SLC37A2: variants seen among roughly 807,000 people sequenced by gnomAD.
SLC37A2 encodes the protein solute carrier family 37 member 2, also known as glucose-6-phosphate exchanger SLC37A2.
SLC37A2 carries 59 observed loss-of-function variants against 70.7 expected under a neutral mutation model. The observed-to-expected ratio is 0.83, with a 90% CI of 0.68 to 1.04. The LOEUF (loss-of-function observed/expected upper bound fraction) is 1.04, where lower values mean the gene tolerates loss of function less well. SLC37A2 is among the 50% of genes least tolerant of loss of function. The pLI is 0.00. For synonymous variants in SLC37A2, 257 were observed against 262.1 expected (o/e 0.98, Z 0.19); for missense variants, 580 against 658.1 (o/e 0.88, Z 1.30).
At chr11:125,077,583 C>T (rs764729254) in intron 4 of SLC37A2, 55 bp downstream of exon 4, 5 of 1,444,426 alleles carry the variant, frequency 3.5e-6, no homozygotes, top group Non-Finnish European at 4.8e-6. Flanking sequence ...GAGCTGCTAC[C>T]TCCCCTTAAG....
intron 1 of SLC37A2, among the ~76,000 whole-genome samples, chr11:125,073,078 G>T (rs1321666711): frequency 6.6e-6 from 1 of 152,170 alleles, no homozygotes; most frequent in African/African-American, 2.4e-5. Context: ...TGGATTTCAG[G>T]GAGTTGGGGT....
intron 1 of SLC37A2, among the ~76,000 whole-genome samples, chr11:125,072,440 G>A (rs984409437): frequency 2.6e-5 from 4 of 152,126 alleles, no homozygotes; most frequent in African/African-American, 4.8e-5. Context: ...TGGGACAGCC[G>A]CCCCATCTGG....
chr11:125,078,896 A>G (rs1949117957), intron 4 of SLC37A2, among the ~76,000 whole-genome samples: 1 of 151,834 alleles, frequency 6.6e-6, no homozygotes, highest in South Asian at 2.1e-4. Context: ...GGGGCCGGCC[A>G]AGCGGAGGAA....
At chr11:125,085,004 C>T in intron 13 of SLC37A2, 62 bp from the exon 14 acceptor site, 1 of 1,596,550 alleles carries the variant, frequency 6.3e-7, no homozygotes, top group East Asian at 2.2e-5. Flanking sequence ...AGTGCTCCTG[C>T]CTTGGGGTTG....
intron 13 of SLC37A2, 85 bp from the exon 14 acceptor site, chr11:125,084,981 C>A: frequency 6.3e-7 from 1 of 1,592,322 alleles, no homozygotes; most frequent in Non-Finnish European, 8.6e-7. Context: ...GCTGGGAGGG[C>A]TGAAGGCTGG....
At chr11:125,079,320 C>A in intron 5 of SLC37A2, 73 bp downstream of exon 5, 1 of 1,588,338 alleles carries the variant, frequency 6.3e-7, no homozygotes, top group Non-Finnish European at 8.6e-7. Context: ...CAGCTCACAG[C>A]GGGTGGGAGC....
intron 8 of SLC37A2, 139 bp downstream of exon 8, chr11:125,081,597 G>T: frequency 2.2e-6 from 3 of 1,377,440 alleles, no homozygotes; most frequent in Non-Finnish European, 2.9e-6. Context: ...CCATGGGTTG[G>T]CCCTACAGCC....
At chr11:125,072,367 C>T (rs991703949) in intron 1 of SLC37A2, among the ~76,000 whole-genome samples, 4 of 152,104 alleles carry the variant, frequency 2.6e-5, no homozygotes, top group Non-Finnish European at 4.4e-5. Flanking sequence ...AACCAGTATC[C>T]GGTGGGGGGG....
chr11:125,080,764 C>T lies in SLC37A2; in HGVS notation c.678C>T (p.Phe226=), dbSNP rs1481154893. 3 of 1,496,606 alleles carry T rather than the reference C, an allele frequency of 2.0e-6. No individual in the cohort carries two copies. Among genetic ancestry groups the T allele is most frequent in the East Asian group, 2.6e-5 (1 of 38,786 alleles). The allele number at this position is 1,496,606 out of a possible 1,614,324, so 92.7% of individuals were successfully genotyped here. The change falls in exon 7 of 18, where the codon TTC becomes TTT. Residue 226 remains phenylalanine, a synonymous_variant. Transcript: ENST00000403796. This position sits in a 1 kb window ranked among gnomAD's most constrained non-coding sequence, Gnocchi z 4.3. ...CTGCCGTCATGGGCGTCATCACCTT[C>T]CTCTTCCTCATCGAACGTGAGTGGG... ...IITAVMGVIT[F]LFLIEHPEDV...
In SLC37A2 at chr11:125,077,224, A is replaced by G; in HGVS notation, c.142-6A>G. The G allele has an allele frequency of 1.3e-6, 2 of 1,577,942 alleles. No homozygotes were observed. Among genetic ancestry groups the G allele is most frequent in the Non-Finnish European group, 1.7e-6 (2 of 1,162,838 alleles). On this transcript the variant is annotated splice_region_variant and splice_polypyrimidine_tract_variant and intron_variant, in intron 2 of 17. Transcript: ENST00000403796. ...CCCTGACCTGTATGTCCCATTGCCTATCCAGAGCCGTCTGCACCAGAACTG... is the reference window on the plus strand; with the variant it reads ...CCCTGACCTGTATGTCCCATTGCCTGTCCAGAGCCGTCTGCACCAGAACTG...
Position 125,084,963 on chromosome 11 carries a change from G to A in SLC37A2, c.1174+90G>A, listed in dbSNP as rs1470732662. On this transcript the variant is annotated intron_variant, in intron 13 of 17. Coordinates refer to ENST00000403796, the MANE Select transcript of SLC37A2 (RefSeq NM_001145290.2). Reference sequence around the variant, plus strand: ...GCTGGCCCACGGGGGGCACTGACAGGTGGAGGGGCTGGGAGGGCTGAAGGC... The same window carrying A: ...GCTGGCCCACGGGGGGCACTGACAGATGGAGGGGCTGGGAGGGCTGAAGGC... The A allele has an allele frequency of 6.3e-6, 10 of 1,595,192 alleles. No homozygotes were observed. The East Asian group carries it at 1.6e-4, about 25-fold the overall frequency.
rs1260135030 is a variant in SLC37A2, at chr11:125,063,701, C to T, written c.59+275C>T. Among the ~76,000 whole-genome samples the T allele has an allele frequency of 6.6e-6, 1 of 152,218 alleles. No homozygotes were observed. The highest frequency in any genetic ancestry group is 1.5e-5 in the Non-Finnish European group (1 of 68,036). On this transcript the variant is annotated intron_variant, in intron 1 of 17. Coordinates refer to ENST00000403796, the MANE Select transcript of SLC37A2 (RefSeq NM_001145290.2). This position sits in a 1 kb window ranked among gnomAD's most constrained non-coding sequence, Gnocchi z 5.4. ...CTGCCAGGGAGGGTCTCCATCGTTT[C>T]CCGTTTCCATCCTCCCCTCCTAACA... is the stretch of plus-strand genomic sequence containing the variant.
intron 1 of SLC37A2, among the ~76,000 whole-genome samples, chr11:125,075,460 G>A (rs1949073726): frequency 6.6e-6 from 1 of 152,192 alleles, no homozygotes; most frequent in Admixed American, 6.5e-5. Context: ...GTGCCTTTGG[G>A]AACCGGTGGC....
In SLC37A2 at chr11:125,081,636, G is replaced by A. The variant is rs562999176; in HGVS notation, c.733-118G>A. ...TGAGTCTGGCAGGTCAGTCCAGCCC[G>A]AGACGAACGTGTGCCTCCCCATCCT... On this transcript the variant is annotated intron_variant, in intron 8 of 17. Transcript: ENST00000403796. 270 of 1,432,154 alleles carry A rather than the reference G, an allele frequency of 1.9e-4. 2 individuals are homozygous for A. The East Asian group carries it at 5.0e-3, about 27-fold the overall frequency. 88.7% of individuals were successfully genotyped at this position (1,432,154 alleles called of 1,614,324 possible).
Position 125,085,158 on chromosome 11 carries a change from C to T in SLC37A2, c.1248+19C>T, listed in dbSNP as rs771356417. On this transcript the variant is annotated intron_variant, in intron 14 of 17. Coordinates refer to ENST00000403796, the MANE Select transcript of SLC37A2 (RefSeq NM_001145290.2). ...TGATCTGGTGAGTGGGGCCACCTCCCGAGGGCCAGGGACCGTTCTGGGGGC... is the reference window on the plus strand; with the variant it reads ...TGATCTGGTGAGTGGGGCCACCTCCTGAGGGCCAGGGACCGTTCTGGGGGC... The T allele has an allele frequency of 1.4e-5, 22 of 1,611,402 alleles. No homozygotes were observed. The highest frequency in any genetic ancestry group is 5.5e-5 in the South Asian group (5 of 91,046).
In SLC37A2 at chr11:125,063,342, T is replaced by G. The variant is rs1385987752; in HGVS notation, c.-26T>G. 4 of 1,605,224 alleles carry G rather than the reference T, an allele frequency of 2.5e-6. No homozygotes were observed. The highest frequency in any genetic ancestry group is 3.4e-6 in the Non-Finnish European group (4 of 1,175,334). ...CAGCTCTGTAGCCTCCTCCGTCGACTCAGCCTTAGGTACCGGTCAGGCAAA... is the reference window on the plus strand; with the variant it reads ...CAGCTCTGTAGCCTCCTCCGTCGACGCAGCCTTAGGTACCGGTCAGGCAAA... On this transcript the variant is annotated 5_prime_UTR_variant, in exon 1 of 18. Coordinates refer to ENST00000403796, the MANE Select transcript of SLC37A2 (RefSeq NM_001145290.2). This position sits in a 1 kb window ranked among gnomAD's most constrained non-coding sequence, Gnocchi z 5.4.
chr11:125,073,814 G>A (rs1949053895), intron 1 of SLC37A2, among the ~76,000 whole-genome samples: 1 of 152,220 alleles, frequency 6.6e-6, no homozygotes, highest in Non-Finnish European at 1.5e-5. Context: ...CCAGGGAACT[G>A]GCCTTGAGCC....
intron 1 of SLC37A2, among the ~76,000 whole-genome samples, chr11:125,075,342 CATT>C (rs886740015): frequency 1.3e-5 from 2 of 152,246 alleles, no homozygotes; most frequent in African/African-American, 4.8e-5. Context: ...ACCCGGAAAA[CATT>C]GTTGCCACAA....
Position 125,082,318 on chromosome 11 carries a change from C to T in SLC37A2, c.960C>T (p.Leu320=). The change falls in exon 10 of 18, where the codon CTC becomes CTT. Residue 320 remains leucine (L), a synonymous_variant. Coordinates refer to ENST00000403796, the MANE Select transcript of SLC37A2 (RefSeq NM_001145290.2). ...VSYTFLYWLP[L]YIANVAHFSA... ...ACACCTTCCTCTACTGGCTGCCCCT[C>T]TACATCGCCAATGTGGGTAAGTCCA... 6.2e-7 allele frequency: 1 copy of T among 1,613,944 alleles called. No individual in the cohort carries two copies. The highest frequency in any genetic ancestry group is 2.2e-5 in the East Asian group (1 of 44,844).
Sources: gnomAD v4.1 joint callset for allele counts (sites outside exome capture counted in the v4.1 genomes callset) on GRCh38, gnomAD v4.1.1 for gene constraint, Gnocchi (gnomAD v3.1) non-coding constraint, MANE v1.5 for transcripts, NCBI Gene and HGNC (gene_info 2026-07-23, HGNC 2026-07-21) for gene names.